TGFA: variants seen among roughly 807,000 people sequenced by gnomAD.
The protein encoded by TGFA is protransforming growth factor alpha.
Under a neutral mutation model 21.7 loss-of-function variants are expected in TGFA, and 12 were observed. That is an observed-to-expected ratio of 0.55 (90% CI 0.35 to 0.90). TGFA has a LOEUF of 0.90. TGFA is among the 40% of genes least tolerant of loss of function. The pLI is 0.01. For missense variants in TGFA, 178 were observed against 210.8 expected, an observed-to-expected ratio of 0.84 and a Z score of 0.96; for synonymous variants, 79 against 88.1, an observed-to-expected ratio of 0.90 and a Z score of 0.58.
chr2:70,504,125 G>T (rs1671825431), intron 2 of TGFA, among the ~76,000 whole-genome samples: 1 of 152,094 alleles, frequency 6.6e-6, no homozygotes, highest in African/African-American at 2.4e-5. Context: ...GGAAGAAAAT[G>T]TATACAGGCT....
chr2:70,533,467 T>A (rs1363242627), intron 1 of TGFA, among the ~76,000 whole-genome samples: 2 of 152,136 alleles, frequency 1.3e-5, no homozygotes, highest in Admixed American at 6.5e-5. Context: ...GGACAAAAAC[T>A]GCAGAAAATA....
At chr2:70,453,905 TC>T (rs1179477051) in intron 4 of TGFA, among the ~76,000 whole-genome samples, 1 of 151,952 alleles carries the variant, frequency 6.6e-6, no homozygotes, top group East Asian at 1.9e-4. Flanking sequence ...ACATCTACCC[TC>T]TCTGTAAACC....
intron 1 of TGFA, among the ~76,000 whole-genome samples, chr2:70,522,030 C>A (rs1394264592): frequency 8.5e-5 from 13 of 152,330 alleles, no homozygotes; most frequent in Non-Finnish European, 1.8e-4. Context: ...ATAATCATTT[C>A]TTCCTCAGAG....
chr2:70,461,366 A>G (rs1365007545), intron 3 of TGFA, among the ~76,000 whole-genome samples: 1 of 152,186 alleles, frequency 6.6e-6, no homozygotes, highest in Non-Finnish European at 1.5e-5. Context: ...ACTGCCCCCA[A>G]TCCTAATCTC....
At chr2:70,515,856 A>G (rs1672259026) in intron 1 of TGFA, among the ~76,000 whole-genome samples, 1 of 152,232 alleles carries the variant, frequency 6.6e-6, no homozygotes, top group Admixed American at 6.5e-5. Flanking sequence ...CCCCCAGTGC[A>G]TACTGTATTG....
At chr2:70,466,493 C>T (rs531843312) in intron 2 of TGFA, among the ~76,000 whole-genome samples, 34 of 151,992 alleles carry the variant, frequency 2.2e-4, no homozygotes, top group Non-Finnish European at 3.5e-4. Flanking sequence ...CCAGCCTGGG[C>T]GACAGCAAGA....
At position 70,450,696 on chromosome 2, in the gene TGFA, T is replaced by G; in HGVS notation, c.*163A>C. 1.4e-6 allele frequency: 1 copy of G among 717,332 alleles called. No homozygotes were observed. The allele number at this position is 717,332 out of a possible 1,614,324, so 44.4% of individuals were successfully genotyped here. A position where few individuals can be genotyped will look rare whatever the true frequency, so the allele number is the denominator to read the frequency against. ...CTGAATAACCCCAAGCAGACGGAGTTCTTGACAGAGTTTTGAAGGCCCACA... is the reference window on the plus strand; with the variant it reads ...CTGAATAACCCCAAGCAGACGGAGTGCTTGACAGAGTTTTGAAGGCCCACA... On this transcript the variant is annotated 3_prime_UTR_variant, in exon 6 of 6. Transcript: ENST00000295400.
chr2:70,469,160 C>T (rs1394741569), intron 2 of TGFA, among the ~76,000 whole-genome samples: 2 of 152,094 alleles, frequency 1.3e-5, no homozygotes, highest in Admixed American at 1.3e-4. Flanking sequence ...TCACATTCCC[C>T]TGAGTTTGCC....
At chr2:70,507,195 T>C (rs1007267833) in intron 2 of TGFA, among the ~76,000 whole-genome samples, 1 of 152,192 alleles carries the variant, frequency 6.6e-6, no homozygotes, top group African/African-American at 2.4e-5. Flanking sequence ...GTGCAGTCAC[T>C]GGACTGCAAG....
chr2:70,545,825 T>C (rs1357444657), intron 1 of TGFA, among the ~76,000 whole-genome samples: 1 of 151,952 alleles, frequency 6.6e-6, no homozygotes, highest in African/African-American at 2.4e-5. Flanking sequence ...AAAAAATAAA[T>C]GGGGGAAAAT....
At chr2:70,514,739 C>T in intron 2 of TGFA, 120 bp downstream of exon 2, 1 of 1,089,594 alleles carries the variant, frequency 9.2e-7, no homozygotes, top group South Asian at 1.3e-5. Context: ...AGAGAGGACT[C>T]CGGGACAGGC....
chr2:70,537,556 C>A (rs432203), intron 1 of TGFA, among the ~76,000 whole-genome samples: 87,771 of 152,078 alleles, frequency 0.58, 25,505 homozygotes, highest in African/African-American at 0.63. Flanking sequence ...TAAGAGAGCA[C>A]AATAGCCTTA....
chr2:70,522,310 C>T (rs1390504244), intron 1 of TGFA, among the ~76,000 whole-genome samples: 2 of 152,230 alleles, frequency 1.3e-5, no homozygotes, highest in Non-Finnish European at 2.9e-5. Context: ...GGAAAACCTG[C>T]AGATCCTCGG....
intron 1 of TGFA, among the ~76,000 whole-genome samples, chr2:70,516,713 C>T (rs781913750): frequency 6.6e-6 from 1 of 152,206 alleles, no homozygotes; most frequent in Non-Finnish European, 1.5e-5. Flanking sequence ...TCAGCAGTTG[C>T]CCCCTTGAAG....
In TGFA at chr2:70,514,953, T is replaced by C. The variant is rs372284002; in HGVS notation, c.41-41A>G. 1.3e-5 allele frequency: 21 copies of C among 1,599,460 alleles called. No individual in the cohort carries two copies. The African/African-American group carries it at 1.6e-4, about 12-fold the overall frequency. The stretch of plus-strand genomic sequence containing the variant: ...GAAGAGGGAAAAGGTCAGAGTCTGC[T>C]TGGCAAATGATGTCCTCAGACGCTT... On this transcript the variant is annotated intron_variant, in intron 1 of 5. Coordinates refer to ENST00000295400, the MANE Select transcript of TGFA (RefSeq NM_003236.4).
chr2:70,545,368 G>C (rs1234743877), intron 1 of TGFA, among the ~76,000 whole-genome samples: 19 of 152,186 alleles, frequency 1.2e-4, no homozygotes, highest in African/African-American at 4.3e-4. Context: ...GTCTGTGAGA[G>C]TCCAAGTCTT....
At chr2:70,505,625 G>GA (rs1260085572) in intron 2 of TGFA, among the ~76,000 whole-genome samples, 2 of 150,664 alleles carry the variant, frequency 1.3e-5, no homozygotes, top group Non-Finnish European at 3.0e-5. Context: ...AAGTCAAAAC[G>GA]AAAAAAGACC....
rs1206935435 is a variant in TGFA, at chr2:70,553,742, G to A, written c.26C>T (p.Ala9Val). ...GGCGTACGTACCCAGAGCGAACAGG[G>A]CGAGCTGTCCAGCCGAGGGGACCAT... Reference protein sequence around the residue: MVPSAGQLALFALGIVLAA... With the variant: MVPSAGQLVLFALGIVLAA... Residue 9 changes from alanine (A) to valine (V), a missense_variant, in exon 1 of 6, where the codon GCC (alanine) becomes GTC (valine). Coordinates refer to ENST00000295400, the MANE Select transcript of TGFA (RefSeq NM_003236.4). The A allele has an allele frequency of 2.8e-5, 37 of 1,322,988 alleles. No homozygotes were observed. The highest frequency in any genetic ancestry group is 3.2e-5 in the Non-Finnish European group (33 of 1,031,264). The allele number at this position is 1,322,988 out of a possible 1,614,324, so 82.0% of individuals were successfully genotyped here.
At chr2:70,472,666 C>T (rs1670792278) in intron 2 of TGFA, among the ~76,000 whole-genome samples, 1 of 152,210 alleles carries the variant, frequency 6.6e-6, no homozygotes, top group Admixed American at 6.5e-5. Context: ...GCAGCATCCA[C>T]ACCCCTGAGC....
Sources: allele counts gnomAD v4.1 joint callset (sites outside exome capture counted in the v4.1 genomes callset), GRCh38; gene constraint gnomAD v4.1.1; transcripts MANE v1.5; gene names NCBI Gene and HGNC (gene_info 2026-07-23, HGNC 2026-07-21).